NPW: variants seen among roughly 807,000 people sequenced by gnomAD.
The protein encoded by NPW is prepro-neuropeptide W.
In NPW, 8 loss-of-function variants were observed where a neutral mutation model predicts 9.9. The ratio of observed to expected loss-of-function variants is 0.81; its 90% confidence interval spans 0.47 to 1.46. NPW has a LOEUF of 1.46. Ranked by LOEUF, NPW falls within the 40% of genes most tolerant of loss-of-function variation. The probability of loss-of-function intolerance (pLI) is 0.00; values close to 1 mark genes in which losing one functional copy is unlikely to be tolerated. For missense variants in NPW, 287 were observed against 240.3 expected (o/e 1.19, Z -1.28); for synonymous variants, 134 against 119.9 (o/e 1.12, Z -0.77).
intron 1 of NPW, 79 bp downstream of exon 1, chr16:2,020,391 G>T: frequency 7.5e-7 from 1 of 1,331,540 alleles, no homozygotes; most frequent in Non-Finnish European, 1.0e-6. Context: ...GGAGCCGCGC[G>T]TTCAGGGGGC....
chr16:2,019,786 G>C lies in NPW; in HGVS notation c.-116G>C. On this transcript the variant is annotated 5_prime_UTR_variant, in exon 1 of 2. Transcript: ENST00000566435. ...TAGCTGGGCCTGCAGGGGACCCACG[G>C]CTCGCCTCCAGCCTCCTGCGCTCCG... The C allele has an allele frequency of 8.4e-7, 1 of 1,189,618 alleles. No individual in the cohort carries two copies. The highest frequency in any genetic ancestry group is 1.0e-6 in the Non-Finnish European group (1 of 960,828). The allele number at this position is 1,189,618 out of a possible 1,614,324, so 73.7% of individuals were successfully genotyped here. A position where few individuals can be genotyped will look rare whatever the true frequency, so the allele number is the denominator to read the frequency against.
rs1036512698 is a variant in NPW at position 2,020,697 on chromosome 16, A to G, written c.*78A>G. Reference sequence around the variant, plus strand: ...CCGCGCGCTTCCAGGAGCCGCTCATAGACCCCGCCTGCCGTCCGGTCAATA... The same window carrying G: ...CCGCGCGCTTCCAGGAGCCGCTCATGGACCCCGCCTGCCGTCCGGTCAATA... On this transcript the variant is annotated 3_prime_UTR_variant, in exon 2 of 2. Coordinates refer to ENST00000566435, the MANE Select transcript of NPW (RefSeq NM_001099456.3). 2 of 834,496 alleles carry G rather than the reference A, an allele frequency of 2.4e-6. No homozygotes were observed. Among genetic ancestry groups the G allele is most frequent in the African/African-American group, 3.7e-5 (2 of 54,424 alleles). 51.7% of individuals were successfully genotyped at this position (834,496 alleles called of 1,614,324 possible). A position where few individuals can be genotyped will look rare whatever the true frequency, so the allele number is the denominator to read the frequency against.
chr16:2,020,168 C>T lies in NPW; in HGVS notation c.267C>T (p.Leu89=), dbSNP rs1475491708. 1.3e-6 allele frequency: 2 copies of T among 1,590,940 alleles called. No homozygotes were observed. The highest frequency in any genetic ancestry group is 2.3e-5 in the East Asian group (1 of 44,168). The change falls in exon 1 of 2, where the codon CTC becomes CTT. Residue 89 remains leucine, a synonymous_variant. Coordinates refer to ENST00000566435, the MANE Select transcript of NPW (RefSeq NM_001099456.3). The stretch of plus-strand genomic sequence containing the variant: ...AACCCGCAGCCCGCGAGGCTCCTCT[C>T]CTGCTGCCCTCGTGGGTTCAGGAGC...
rs768909356 is a variant in NPW, at chr16:2,020,203, C to G, written c.302C>G (p.Thr101Arg). The change falls in exon 1 of 2, where the codon ACG becomes AGG. Residue 101 changes from threonine (T) to arginine (R), a missense_variant. Coordinates refer to ENST00000566435, the MANE Select transcript of NPW (RefSeq NM_001099456.3). ...TCGTGGGTTCAGGAGCTGTGGGAGA[C>G]GCGACGCAGGAGCTCCCAGGCAGGG... is the stretch of plus-strand genomic sequence containing the variant. 1.3e-6 allele frequency: 2 copies of G among 1,596,070 alleles called. No individual in the cohort carries two copies. Among genetic ancestry groups the G allele is most frequent in the Non-Finnish European group, 1.7e-6 (2 of 1,174,708 alleles).
At position 2,020,610 on chromosome 16, in the gene NPW, A is replaced by ACCGTTCTGACAGCGTCCCCCGC; in HGVS notation, c.493_*16dup. 1 of 1,594,060 alleles carries ACCGTTCTGACAGCGTCCCCCGC rather than the reference A, an allele frequency of 6.3e-7. No homozygotes were observed. Among genetic ancestry groups the ACCGTTCTGACAGCGTCCCCCGC allele is most frequent in the Non-Finnish European group, 8.6e-7 (1 of 1,167,392 alleles). ...TTGGCCTGCCCTGCCTGGCCCCCGG[A>ACCGTTCTGACAGCGTCCCCCGC]CCGTTCTGACAGCGTCCCCCGCCCG... is the stretch of plus-strand genomic sequence containing the variant. On this transcript the variant is annotated stop_gained and frameshift_variant, in exon 2 of 2. Transcript: ENST00000566435. LOFTEE classifies it high-confidence loss of function.
chr16:2,019,925 G>A lies in NPW; in HGVS notation c.24G>A (p.Arg8=), dbSNP rs560294752. 129 of 1,316,724 alleles carry A rather than the reference G, an allele frequency of 9.8e-5. No individual in the cohort carries two copies. In the African/African-American group the frequency reaches 1.7e-3, roughly 17 times the overall value. The allele number at this position is 1,316,724 out of a possible 1,614,324, so 81.6% of individuals were successfully genotyped here. The change falls in exon 1 of 2, where the codon CGG becomes CGA. Residue 8 remains arginine (R), a synonymous_variant. Coordinates refer to ENST00000566435, the MANE Select transcript of NPW (RefSeq NM_001099456.3). ...CCCTGGCGTGGCGCCCAGGGGAGCGGGGGGCTCCCGCGAGCCGGCCGCGGC... is the reference window on the plus strand; with the variant it reads ...CCCTGGCGTGGCGCCCAGGGGAGCGAGGGGCTCCCGCGAGCCGGCCGCGGC...
intron 1 of NPW, 92 bp downstream of exon 1, chr16:2,020,404 C>T: frequency 7.7e-7 from 1 of 1,293,054 alleles, no homozygotes; most frequent in Non-Finnish European, 1.1e-6. Context: ...CAGGGGGCAC[C>T]CTCGGGCCCT....
At position 2,020,047 on chromosome 16, in the gene NPW, C is replaced by T. The variant is rs772569970; in HGVS notation, c.146C>T (p.Ala49Val). Residue 49 changes from alanine (A) to valine (V), a missense_variant, in exon 1 of 2, where the codon GCT becomes GTT. Transcript: ENST00000566435. The stretch of plus-strand genomic sequence containing the variant: ...CGCTACCACACGGTGGGCCGCGCCG[C>T]TGGCCTGCTCATGGGGCTGCGTCGC... The T allele has an allele frequency of 6.6e-7, 1 of 1,505,584 alleles. No individual in the cohort carries two copies. The highest frequency in any genetic ancestry group is 8.8e-7 in the Non-Finnish European group (1 of 1,133,742). The allele number at this position is 1,505,584 out of a possible 1,614,324, so 93.3% of individuals were successfully genotyped here. A position where few individuals can be genotyped will look rare whatever the true frequency, so the allele number is the denominator to read the frequency against.
chr16:2,019,848 C>T lies in NPW; in HGVS notation c.-54C>T. Reference sequence around the variant, plus strand: ...TCCCAACTCCACTGCGCGCCCAAACCCAGCCGAGCCGGTTCGTGGCCCGCC... The same window carrying T: ...TCCCAACTCCACTGCGCGCCCAAACTCAGCCGAGCCGGTTCGTGGCCCGCC... On this transcript the variant is annotated 5_prime_UTR_variant, in exon 1 of 2. Transcript: ENST00000566435. The T allele has an allele frequency of 8.3e-7, 1 of 1,205,712 alleles. No homozygotes were observed. The highest frequency in any genetic ancestry group is 1.0e-6 in the Non-Finnish European group (1 of 972,240). The allele number at this position is 1,205,712 out of a possible 1,614,324, so 74.7% of individuals were successfully genotyped here.
chr16:2,020,360 G>A, intron 1 of NPW, 48 bp downstream of exon 1: 1 of 1,425,696 alleles, frequency 7.0e-7, no homozygotes, highest in Non-Finnish European at 9.4e-7. Context: ...AGGGGGTCTC[G>A]GGAGGTCTGA....
chr16:2,020,661 A>T lies in NPW; in HGVS notation c.*42A>T. ...CCCGTGGCGCCTCCGCGCCTGACCC[A>T]GGAGGAGTGGCCGCGCGCTTCCAGG... On this transcript the variant is annotated 3_prime_UTR_variant, in exon 2 of 2. Coordinates refer to ENST00000566435, the MANE Select transcript of NPW (RefSeq NM_001099456.3). 7.6e-7 allele frequency: 1 copy of T among 1,314,372 alleles called. No homozygotes were observed. The allele number at this position is 1,314,372 out of a possible 1,614,324, so 81.4% of individuals were successfully genotyped here. A position where few individuals can be genotyped will look rare whatever the true frequency, so the allele number is the denominator to read the frequency against.
At chr16:2,020,479 C>A in intron 1 of NPW, 54 bp from the exon 2 acceptor site, 1 of 1,402,306 alleles carries the variant, frequency 7.1e-7, no homozygotes, top group Non-Finnish European at 1.0e-6. Flanking sequence ...CACCCGGGGG[C>A]GGTGGTTGGA....
Position 2,020,007 on chromosome 16 carries a change from C to T in NPW, c.106C>T (p.His36Tyr), listed in dbSNP as rs1211111584. 11 of 1,497,262 alleles carry T rather than the reference C, an allele frequency of 7.3e-6. No homozygotes were observed. In the Admixed American group the frequency reaches 2.3e-4, roughly 32 times the overall value. The allele number at this position is 1,497,262 out of a possible 1,614,324, so 92.7% of individuals were successfully genotyped here. ...GCTGCCCTCCGGCGCGTGGTACAAGCACGTGGCGAGTCCCCGCTACCACAC... is the reference window on the plus strand; with the variant it reads ...GCTGCCCTCCGGCGCGTGGTACAAGTACGTGGCGAGTCCCCGCTACCACAC... Residue 36 changes from histidine to tyrosine, a missense_variant, in exon 1 of 2, where the codon CAC becomes TAC. Transcript: ENST00000566435.
Position 2,020,146 on chromosome 16 carries a change from C to T in NPW, c.245C>T (p.Pro82Leu), listed in dbSNP as rs1296210789. ...GCCAGGGACACCCTCTCCCCCGAAC[C>T]CGCAGCCCGCGAGGCTCCTCTCCTG... The change falls in exon 1 of 2, where the codon CCC (proline) becomes CTC (leucine). Residue 82 changes from proline to leucine, a missense_variant. Physicochemically the swap from Pro to Leu is moderately conservative, Grantham distance 98. Transcript: ENST00000566435. 1 of 1,576,904 alleles carries T rather than the reference C, an allele frequency of 6.3e-7. No individual in the cohort carries two copies. Among genetic ancestry groups the T allele is most frequent in the South Asian group, 1.1e-5 (1 of 88,940 alleles).
Position 2,020,476 on chromosome 16 carries a change from G to A in NPW, c.412-57G>A, listed in dbSNP as rs190335916. ...GGGCAGGCTCGACCCTGGCACCCGG[G>A]GGCGGTGGTTGGAGGGCCACAGCCT... On this transcript the variant is annotated intron_variant, in intron 1 of 1. Transcript: ENST00000566435. The A allele has an allele frequency of 2.0e-4, 279 of 1,403,570 alleles. 2 individuals carry two copies. In the Admixed American group the frequency reaches 4.9e-3, roughly 25 times the overall value. 86.9% of individuals were successfully genotyped at this position (1,403,570 alleles called of 1,614,324 possible). A position where few individuals can be genotyped will look rare whatever the true frequency, so the allele number is the denominator to read the frequency against.
rs1338836233 is a variant in NPW at position 2,020,218 on chromosome 16, C to T, written c.317C>T (p.Ser106Phe). ...CTGTGGGAGACGCGACGCAGGAGCT[C>T]CCAGGCAGGGATCCCCGTCCGTGCG... The change falls in exon 1 of 2, where the codon TCC becomes TTC. Residue 106 changes from serine (S) to phenylalanine (F), a missense_variant. Coordinates refer to ENST00000566435, the MANE Select transcript of NPW (RefSeq NM_001099456.3). The T allele has an allele frequency of 4.4e-6, 7 of 1,592,190 alleles. No individual in the cohort carries two copies. Among genetic ancestry groups the T allele is most frequent in the Non-Finnish European group, 6.0e-6 (7 of 1,172,870 alleles).
Position 2,019,997 on chromosome 16 carries a change from G to T in NPW, c.96G>T (p.Ala32=). ...TCCTGCTGCCGCTGCCCTCCGGCGC[G>T]TGGTACAAGCACGTGGCGAGTCCCC... The change falls in exon 1 of 2, where the codon GCG becomes GCT. Residue 32 remains alanine, a synonymous_variant. Transcript: ENST00000566435. 6.9e-7 allele frequency: 1 copy of T among 1,450,116 alleles called. No homozygotes were observed. Among genetic ancestry groups the T allele is most frequent in the East Asian group, 3.0e-5 (1 of 33,740 alleles). The allele number at this position is 1,450,116 out of a possible 1,614,324, so 89.8% of individuals were successfully genotyped here. A position where few individuals can be genotyped will look rare whatever the true frequency, so the allele number is the denominator to read the frequency against.
At position 2,020,300 on chromosome 16, in the gene NPW, C is replaced by T. The variant is rs774512170; in HGVS notation, c.399C>T (p.Ser133=). Residue 133 remains serine (S), a synonymous_variant, in exon 1 of 2, where the codon AGC becomes AGT. Coordinates refer to ENST00000566435, the MANE Select transcript of NPW (RefSeq NM_001099456.3). ...TGGAACCGGAGTCCCTGGACTTCAG[C>T]GGAGCTGGCCAGGTACGTGAGAGGG... 3.6e-5 allele frequency: 55 copies of T among 1,508,998 alleles called. No homozygotes were observed. The African/African-American group carries it at 7.1e-4, about 19-fold the overall frequency. 93.5% of individuals were successfully genotyped at this position (1,508,998 alleles called of 1,614,324 possible).
chr16:2,020,203 C>A lies in NPW; in HGVS notation c.302C>A (p.Thr101Lys). The A allele has an allele frequency of 6.3e-7, 1 of 1,596,070 alleles. No homozygotes were observed. Reference sequence around the variant, plus strand: ...TCGTGGGTTCAGGAGCTGTGGGAGACGCGACGCAGGAGCTCCCAGGCAGGG... The same window carrying A: ...TCGTGGGTTCAGGAGCTGTGGGAGAAGCGACGCAGGAGCTCCCAGGCAGGG... Residue 101 changes from threonine to lysine, a missense_variant, in exon 1 of 2, where the codon ACG (threonine) becomes AAG (lysine). Transcript: ENST00000566435.
Sources: gnomAD v4.1 joint callset for allele counts on GRCh38, gnomAD v4.1.1 for gene constraint, MANE v1.5 for transcripts, NCBI Gene and HGNC (gene_info 2026-07-23, HGNC 2026-07-21) for gene names.